Variants in STXBP5 observed in about 807,000 individuals in gnomAD.
The protein encoded by STXBP5 is syntaxin-binding protein 5.
Under a neutral mutation model 152.4 loss-of-function variants are expected in STXBP5, and 50 were observed. The observed-to-expected ratio is 0.33, with a 90% CI of 0.26 to 0.42. The LOEUF (loss-of-function observed/expected upper bound fraction) is 0.42. Among genes scored for constraint, STXBP5 ranks in the 10% least tolerant of loss-of-function variants. STXBP5 has a pLI of 1.00. For synonymous variants in STXBP5, 492 were observed against 494.7 expected, an observed-to-expected ratio of 0.99 and a Z score of 0.07; for missense variants, 1,167 against 1,388.6, an observed-to-expected ratio of 0.84 and a Z score of 2.54.
chr6:147,204,477 G>T lies in STXBP5; in HGVS notation c.-56G>T, dbSNP rs1776429412. On this transcript the variant is annotated 5_prime_UTR_variant, in exon 1 of 28. Transcript: ENST00000321680. This position sits in a 1 kb window ranked among gnomAD's most constrained non-coding sequence, Gnocchi z 4.3. ...CCTTCGGCCCCGGGTGGTCTCCCCC[G>T]CCCGGGGACCCCCTGTGCCTCCCCT... 6 of 1,581,820 alleles carry T rather than the reference G, an allele frequency of 3.8e-6. No homozygotes were observed. Among genetic ancestry groups the T allele is most frequent in the Admixed American group, 3.6e-5 (2 of 56,078 alleles).
chr6:147,310,872 A>G (rs967541235), intron 10 of STXBP5, among the ~76,000 whole-genome samples: 11 of 152,126 alleles, frequency 7.2e-5, no homozygotes, highest in East Asian at 3.8e-4. Flanking sequence ...ATGTATATAT[A>G]TGTATATTTT....
chr6:147,232,370 G>A (rs1778048309), intron 2 of STXBP5, among the ~76,000 whole-genome samples: 1 of 151,764 alleles, frequency 6.6e-6, no homozygotes, highest in Admixed American at 6.6e-5. Flanking sequence ...CCAGGATAGG[G>A]AACTACTTGC....
intron 25 of STXBP5, among the ~76,000 whole-genome samples, chr6:147,364,748 A>T (rs1019435241): frequency 1.3e-5 from 2 of 152,184 alleles, no homozygotes; most frequent in African/African-American, 2.4e-5. Context: ...TTACCTTCCA[A>T]AGTAAAAGTG....
At chr6:147,275,993 A>G (rs1388440461) in intron 7 of STXBP5, among the ~76,000 whole-genome samples, 1 of 152,184 alleles carries the variant, frequency 6.6e-6, no homozygotes, top group Non-Finnish European at 1.5e-5. Context: ...TCTCCCATGA[A>G]TTATTCAGAT....
intron 4 of STXBP5, among the ~76,000 whole-genome samples, chr6:147,243,028 G>C (rs550746040): frequency 3.6e-4 from 55 of 151,872 alleles, no homozygotes; most frequent in African/African-American, 1.3e-3. Context: ...GCTTTTTTTG[G>C]CCATTATGAA....
intron 2 of STXBP5, among the ~76,000 whole-genome samples, chr6:147,210,896 T>C (rs1776816327): frequency 6.6e-6 from 1 of 152,218 alleles, no homozygotes; most frequent in African/African-American, 2.4e-5. Context: ...TTCATTTCTC[T>C]CAGCGAATAC....
At chr6:147,301,824 G>A (rs1033971409) in intron 9 of STXBP5, among the ~76,000 whole-genome samples, 16 of 152,132 alleles carry the variant, frequency 1.1e-4, no homozygotes, top group African/African-American at 3.6e-4. Flanking sequence ...AATACAGGGA[G>A]CAATCAAGCC....
intron 18 of STXBP5, among the ~76,000 whole-genome samples, chr6:147,330,990 T>A (rs1386444357): frequency 6.6e-6 from 1 of 152,238 alleles, no homozygotes; most frequent in African/African-American, 2.4e-5. Context: ...TGAAAAAGCC[T>A]GAACTATTTA....
chr6:147,224,577 T>C (rs564060607), intron 2 of STXBP5, among the ~76,000 whole-genome samples: 1 of 152,390 alleles, frequency 6.6e-6, no homozygotes, highest in East Asian at 1.9e-4. Flanking sequence ...TAGATTGTTT[T>C]AGTTATTACA....
In STXBP5 at chr6:147,328,766, A is replaced by G. The variant is rs747372822; in HGVS notation, c.2080+1490A>G. The G allele has an allele frequency of 1.8e-4, 86 of 470,928 alleles. 2 individuals are homozygous for G. The highest frequency in any genetic ancestry group is 1.3e-3 in the South Asian group (82 of 64,550). The allele number at this position is 470,928 out of a possible 1,614,324, so 29.2% of individuals were successfully genotyped here. ...TATATTCTGAATCTATGAAAAAACT[A>G]CGTTCTTCTTTTTTAAGTAAGTCAT... is the stretch of plus-strand genomic sequence containing the variant. On this transcript the variant is annotated intron_variant, in intron 18 of 27. Transcript: ENST00000321680.
chr6:147,354,597 C>G (rs1562264535), intron 22 of STXBP5, among the ~76,000 whole-genome samples: 2 of 152,046 alleles, frequency 1.3e-5, no homozygotes, highest in African/African-American at 4.8e-5. Context: ...TTAAATATTA[C>G]TAGTTAAAGT....
At chr6:147,257,022 CA>C (rs1779401723) in intron 4 of STXBP5, among the ~76,000 whole-genome samples, 1 of 151,910 alleles carries the variant, frequency 6.6e-6, no homozygotes, top group Non-Finnish European at 1.5e-5. Flanking sequence ...AATATTATAG[CA>C]AATAGGATGT....
At position 147,364,133 on chromosome 6, in the gene STXBP5, T is replaced by G. The variant is rs745721419; in HGVS notation, c.3048T>G (p.Leu1016=). 17 of 1,613,378 alleles carry G rather than the reference T, an allele frequency of 1.1e-5. No individual in the cohort carries two copies. Among genetic ancestry groups the G allele is most frequent in the South Asian group, 3.3e-5 (3 of 90,920 alleles). ...YLVSPTEIQR[L]TYSQETCENL... Reference sequence around the variant, plus strand: ...TTTCACCTACAGAAATCCAGAGACTTACTTATAGTCAAGAGACCTGTGAAA... The same window carrying G: ...TTTCACCTACAGAAATCCAGAGACTGACTTATAGTCAAGAGACCTGTGAAA... Residue 1016 remains leucine, a synonymous_variant, in exon 25 of 28, where the codon CTT becomes CTG. Transcript: ENST00000321680.
At chr6:147,345,780 C>T (rs905618682) in intron 21 of STXBP5, among the ~76,000 whole-genome samples, 6 of 152,134 alleles carry the variant, frequency 3.9e-5, no homozygotes, top group African/African-American at 1.2e-4. Context: ...AATTACAAAA[C>T]ATCTGTTTAA....
intron 4 of STXBP5, among the ~76,000 whole-genome samples, chr6:147,245,907 A>G (rs1276875128): frequency 2.6e-5 from 4 of 152,216 alleles, no homozygotes; most frequent in Non-Finnish European, 5.9e-5. Flanking sequence ...CAGAGAGGGC[A>G]GCGCCCTGCT....
At position 147,334,146 on chromosome 6, in the gene STXBP5, T is replaced by C. The variant is rs372931467; in HGVS notation, c.2081-11T>C. ...GTATGGGTTGATTTGTTTTTTGTTT[T>C]TGTTTTGTAGCCGGTCTGTGTGATA... On this transcript the variant is annotated splice_polypyrimidine_tract_variant and intron_variant, in intron 18 of 27. Transcript: ENST00000321680. The C allele has an allele frequency of 6.2e-7, 1 of 1,611,622 alleles. No homozygotes were observed. The highest frequency in any genetic ancestry group is 1.3e-5 in the African/African-American group (1 of 74,864).
chr6:147,226,341 T>C (rs2115117781), intron 2 of STXBP5, among the ~76,000 whole-genome samples: 1 of 152,280 alleles, frequency 6.6e-6, no homozygotes, highest in South Asian at 2.1e-4. Context: ...AACATGTTTC[T>C]TAGGTTTTAA....
At chr6:147,222,225 G>T (rs1294338208) in intron 2 of STXBP5, among the ~76,000 whole-genome samples, 1 of 152,162 alleles carries the variant, frequency 6.6e-6, no homozygotes, top group Admixed American at 6.5e-5. Context: ...TTCCTAGTCT[G>T]ATAATTGCAA....
chr6:147,205,419 T>G (rs943629497), intron 1 of STXBP5, among the ~76,000 whole-genome samples: 4 of 150,360 alleles, frequency 2.7e-5, no homozygotes, highest in Non-Finnish European at 5.9e-5. Flanking sequence ...CCTAAAATGA[T>G]TATGGCCTTA....
Sources: allele counts gnomAD v4.1 joint callset (sites outside exome capture counted in the v4.1 genomes callset), GRCh38; gene constraint gnomAD v4.1.1; non-coding constraint Gnocchi (gnomAD v3.1); transcripts MANE v1.5; gene names NCBI Gene and HGNC (gene_info 2026-07-23, HGNC 2026-07-21).